The following ABCG5 variants were observed in gnomAD, a reference collection of about 807,000 sequenced individuals.
ABCG5 encodes the protein ATP-binding cassette sub-family G member 5.
Under a neutral mutation model 64.5 loss-of-function variants are expected in ABCG5, and 64 were observed. The observed-to-expected ratio is 0.99, with a 90% CI of 0.81 to 1.22. The LOEUF (loss-of-function observed/expected upper bound fraction) is 1.22. Among genes scored for constraint, ABCG5 ranks in the 50% most tolerant of loss-of-function variants. The probability of loss-of-function intolerance (pLI) is 0.00; values close to 1 mark genes in which losing one functional copy is unlikely to be tolerated. For missense variants in ABCG5, 908 were observed against 829.5 expected (o/e 1.09, Z -1.16); for synonymous variants, 385 against 326.3 (o/e 1.18, Z -1.94).
Position 43,838,732 on chromosome 2 carries a change from G to C in ABCG5, c.-53C>G. The C allele has an allele frequency of 1.2e-6, 2 of 1,600,790 alleles. No homozygotes were observed. Among genetic ancestry groups the C allele is most frequent in the Non-Finnish European group, 1.7e-6 (2 of 1,174,396 alleles). On this transcript the variant is annotated 5_prime_UTR_variant, in exon 1 of 13. Coordinates refer to ENST00000405322, the MANE Select transcript of ABCG5 (RefSeq NM_022436.3). The surrounding 1 kb of genome is among the most constrained non-coding windows in gnomAD (Gnocchi z 4.2). ...TTTTCTGGTGGCCGGACCCTCCCCA[G>C]AGTGGCTTCAGTTGGGGAGCCCGTG... is the stretch of plus-strand genomic sequence containing the variant.
chr2:43,828,970 A>T (rs565098275), intron 4 of ABCG5, among the ~76,000 whole-genome samples: 76 of 152,082 alleles, frequency 5.0e-4, no homozygotes, highest in African/African-American at 1.5e-3. Flanking sequence ...GATTCAAAAA[A>T]AATAATAATA....
rs2104900892 is a variant in ABCG5, at chr2:43,838,777, C to T, written c.-98G>A. 1 of 1,558,366 alleles carries T rather than the reference C, an allele frequency of 6.4e-7. No individual in the cohort carries two copies. Among genetic ancestry groups the T allele is most frequent in the African/African-American group, 1.4e-5 (1 of 73,476 alleles). On this transcript the variant is annotated 5_prime_UTR_variant, in exon 1 of 13. Transcript: ENST00000405322. The surrounding 1 kb of genome is among the most constrained non-coding windows in gnomAD (Gnocchi z 4.2). ...CCCGTGGCAGACTGCCCTGCCTGCT[C>T]CACCTGACCCCGGAGTCCCTTGGGA...
chr2:43,820,292 C>T (rs1319315631), intron 10 of ABCG5, among the ~76,000 whole-genome samples, 192 bp from the exon 11 acceptor site: 2 of 152,174 alleles, frequency 1.3e-5, no homozygotes, highest in Non-Finnish European at 2.9e-5. Flanking sequence ...AAATTGTTCC[C>T]ATTGGCTGCA....
chr2:43,831,720 G>T, intron 4 of ABCG5, 49 bp downstream of exon 4: 1 of 1,500,934 alleles, frequency 6.7e-7, no homozygotes, highest in Non-Finnish European at 9.0e-7. Flanking sequence ...GGCAGCGGGG[G>T]GTGCAAAGGT....
At chr2:43,834,263 C>T (rs1360658226) in intron 2 of ABCG5, among the ~76,000 whole-genome samples, 1 of 152,178 alleles carries the variant, frequency 6.6e-6, no homozygotes, top group Admixed American at 6.5e-5. Flanking sequence ...TTTTTTGGAT[C>T]CAATCTGAAC....
At chr2:43,813,714 T>TCA (rs1666628429) in intron 12 of ABCG5, among the ~76,000 whole-genome samples, 2 of 119,444 alleles carry the variant, frequency 1.7e-5, no homozygotes, top group African/African-American at 6.9e-5. Flanking sequence ...TTTTCGTTTT[T>TCA]TTTTTTTTTT....
rs1168865902 is a variant in ABCG5 at position 43,828,560 on chromosome 2, G to A, written c.502-445C>T. The A allele has an allele frequency of 1.1e-5, 4 of 348,064 alleles. No homozygotes were observed. In the Admixed American group the frequency reaches 1.7e-4, roughly 14 times the overall value. The allele number at this position is 348,064 out of a possible 1,614,324, so 21.6% of individuals were successfully genotyped here. A position where few individuals can be genotyped will look rare whatever the true frequency, so the allele number is the denominator to read the frequency against. The stretch of plus-strand genomic sequence containing the variant: ...GCCTGTAGTCCCAGCTACTCAGGAT[G>A]CTTAGGCAGGAGGATCGCTTGATCC... On this transcript the variant is annotated intron_variant, in intron 4 of 12. Coordinates refer to ENST00000405322, the MANE Select transcript of ABCG5 (RefSeq NM_022436.3).
chr2:43,838,933 G>T, upstream of ABCG5: 2 of 1,230,758 alleles, frequency 1.6e-6, no homozygotes, highest in African/African-American at 1.5e-5. The surrounding 1 kb of genome is among the most constrained non-coding windows in gnomAD (Gnocchi z 4.2). Context: ...TGGGAGAGAC[G>T]GGCCCAGGGC....
At chr2:43,814,375 A>G in intron 12 of ABCG5, 102 bp downstream of exon 12, 1 of 768,318 alleles carries the variant, frequency 1.3e-6, no homozygotes, top group Non-Finnish European at 2.2e-6. Flanking sequence ...TTTAAATTGA[A>G]TTATTATAAA....
chr2:43,829,454 C>G (rs980155733), intron 4 of ABCG5, among the ~76,000 whole-genome samples: 11 of 152,226 alleles, frequency 7.2e-5, no homozygotes, highest in Non-Finnish European at 1.6e-4. Context: ...CTTCGCTGTA[C>G]TTAAAGCCTG....
chr2:43,825,212 C>G (rs998115224), intron 6 of ABCG5, among the ~76,000 whole-genome samples, 194 bp from the exon 7 acceptor site: 1 of 152,112 alleles, frequency 6.6e-6, no homozygotes, highest in African/African-American at 2.4e-5. Flanking sequence ...TGGAGACATT[C>G]GAAATGCATC....
At chr2:43,816,152 A>C (rs946063572) in intron 11 of ABCG5, among the ~76,000 whole-genome samples, 12 of 152,324 alleles carry the variant, frequency 7.9e-5, no homozygotes, top group African/African-American at 2.9e-4. Flanking sequence ...TGAGTGATGC[A>C]GTGTGTATAC....
At chr2:43,827,588 C>G (rs1667697439) in intron 5 of ABCG5, among the ~76,000 whole-genome samples, 1 of 152,106 alleles carries the variant, frequency 6.6e-6, no homozygotes, top group Admixed American at 6.6e-5. Flanking sequence ...GTTTATCATT[C>G]AAATTCCTAT....
upstream of ABCG5, chr2:43,839,108 G>C (rs11887534): frequency 0.064 from 99,280 of 1,551,174 alleles, 3,397 homozygotes; most frequent in Admixed American, 0.087. Context: ...CACTCCCCAG[G>C]ATACCTCGGT....
chr2:43,829,286 G>A (rs1182178878), intron 4 of ABCG5, among the ~76,000 whole-genome samples: 3 of 152,140 alleles, frequency 2.0e-5, no homozygotes, highest in South Asian at 2.1e-4. Context: ...GTCCCATGTG[G>A]TACAATCTCA....
intron 4 of ABCG5, 174 bp from the exon 5 acceptor site, chr2:43,828,289 G>T: frequency 1.2e-6 from 1 of 865,850 alleles, no homozygotes; most frequent in Non-Finnish European, 1.8e-6. Context: ...ATCCAATTCG[G>T]CTTAAATCGT....
At chr2:43,827,842 T>A in intron 5 of ABCG5, 141 bp downstream of exon 5, 2 of 1,324,054 alleles carry the variant, frequency 1.5e-6, no homozygotes, top group Admixed American at 2.1e-5. Flanking sequence ...AAAAACTGGG[T>A]CCTCAGTTTG....
At chr2:43,813,941 A>T (rs1572738065) in intron 12 of ABCG5, among the ~76,000 whole-genome samples, 1 of 150,282 alleles carries the variant, frequency 6.7e-6, no homozygotes, top group Non-Finnish European at 1.5e-5. Flanking sequence ...CTGGTCTCGA[A>T]CTCTTGACCT....
downstream of ABCG5, chr2:43,810,269 C>T: frequency 1.3e-6 from 1 of 750,348 alleles, no homozygotes; most frequent in South Asian, 6.2e-5. Context: ...CAGGTCCCCA[C>T]ACCTAGAGTG....
Sources: allele counts gnomAD v4.1 joint callset (sites outside exome capture counted in the v4.1 genomes callset), GRCh38; gene constraint gnomAD v4.1.1; non-coding constraint Gnocchi (gnomAD v3.1); transcripts MANE v1.5; gene names NCBI Gene and HGNC (gene_info 2026-07-23, HGNC 2026-07-21).